The following PDE4D variants were observed in gnomAD, a reference collection of about 807,000 sequenced individuals.
The protein encoded by PDE4D is phosphodiesterase 4D, also known as 3',5'-cyclic-AMP phosphodiesterase 4D.
In PDE4D, 24 loss-of-function variants were observed where a neutral mutation model predicts 87.4. That is an observed-to-expected ratio of 0.27 (90% CI 0.20 to 0.39). The LOEUF (loss-of-function observed/expected upper bound fraction) is 0.39. Ranked by LOEUF, PDE4D falls within the 10% of genes least tolerant of loss-of-function variation. The probability of loss-of-function intolerance (pLI) is 1.00; values close to 1 mark genes in which losing one functional copy is unlikely to be tolerated. For missense variants in PDE4D, 714 were observed against 1,041.0 expected (o/e 0.69, Z 4.32); for synonymous variants, 384 against 383.2 (o/e 1.00, Z -0.02).
At position 59,156,320 on chromosome 5, in the gene PDE4D, A is replaced by AAAAAAATATAT. The variant is rs548335725; in HGVS notation, c.808+24274_808+24275insATATATTTTTT. 1.2e-3 allele frequency among the ~76,000 whole-genome samples: 101 copies of AAAAAAATATAT among 81,762 alleles called. 1 individual carries two copies. Among genetic ancestry groups the AAAAAAATATAT allele is most frequent in the African/African-American group, 5.0e-3 (99 of 19,640 alleles). The allele number at this position is 81,762 out of a possible 152,430, so 53.6% of individuals were successfully genotyped here. On this transcript the variant is annotated intron_variant, in intron 5 of 14. Coordinates refer to ENST00000340635, the MANE Select transcript of PDE4D (RefSeq NM_001104631.2). Reference sequence around the variant, plus strand: ...CTAGAGACTTGCCAGAAAAAAAAAAAATATATATATATGTGTGTGTGTGTG... The same window carrying AAAAAAATATAT: ...CTAGAGACTTGCCAGAAAAAAAAAAAAAAAAATATATATATATATATATGTGTGTGTGTGTG...
intron 3 of PDE4D, among the ~76,000 whole-genome samples, chr5:59,902,783 A>G: frequency 6.6e-6 from 1 of 152,154 alleles, no homozygotes; most frequent in East Asian, 1.9e-4. Flanking sequence ...ATTTCAGAAG[A>G]GAGAGCTGCA....
chr5:60,411,644 CA>C (rs1285806345), intron 1 of PDE4D, among the ~76,000 whole-genome samples: 1 of 152,138 alleles, frequency 6.6e-6, no homozygotes, highest in Non-Finnish European at 1.5e-5. Context: ...AAGTCCAATT[CA>C]AACCATTTAG....
intron 1 of PDE4D, among the ~76,000 whole-genome samples, chr5:59,357,687 A>G (rs1285211215): frequency 6.6e-6 from 1 of 152,234 alleles, no homozygotes; most frequent in Non-Finnish European, 1.5e-5. Flanking sequence ...TTCAAATTAA[A>G]TAAATGATGA....
upstream of PDE4D, among the ~76,000 whole-genome samples, chr5:59,896,911 A>G (rs1363902666): frequency 2.0e-5 from 3 of 152,216 alleles, no homozygotes; most frequent in African/African-American, 7.2e-5. Flanking sequence ...TTAAAACAAC[A>G]AAAATGTAAA....
intron 1 of PDE4D, among the ~76,000 whole-genome samples, chr5:60,349,490 G>A (rs1020754698): frequency 1.3e-5 from 2 of 152,018 alleles, no homozygotes; most frequent in African/African-American, 2.4e-5. Flanking sequence ...TTTAAAGATC[G>A]AATCATGCCA....
At chr5:59,635,691 C>G (rs1239871785) in intron 1 of PDE4D, among the ~76,000 whole-genome samples, 1 of 152,174 alleles carries the variant, frequency 6.6e-6, no homozygotes, top group Non-Finnish European at 1.5e-5. Context: ...ATTCAACACT[C>G]CTTCATGCTA....
At chr5:59,263,342 T>C (rs1353070657) in intron 1 of PDE4D, among the ~76,000 whole-genome samples, 3 of 151,786 alleles carry the variant, frequency 2.0e-5, no homozygotes, top group African/African-American at 7.3e-5. Flanking sequence ...AAGACAATAA[T>C]TGTAATCCTT....
chr5:60,416,801 T>C lies in PDE4D; in HGVS notation c.-90+71141A>G, dbSNP rs1270148578. Among the ~76,000 whole-genome samples, 4 of 152,344 alleles carry C rather than the reference T, an allele frequency of 2.6e-5. No individual in the cohort carries two copies. In the East Asian group the frequency reaches 7.7e-4, roughly 29 times the overall value. On this transcript the variant is annotated intron_variant, in intron 1 of 16. Transcript: ENST00000502484. ...GGGCTTTAGAGGATAATGAACTAGG[T>C]AAAAACAGCTTGGGAATCTGAATAA...
chr5:59,980,374 C>T (rs534343239), intron 3 of PDE4D, among the ~76,000 whole-genome samples: 26 of 152,280 alleles, frequency 1.7e-4, no homozygotes, highest in African/African-American at 4.6e-4. Context: ...GCACTTTTCA[C>T]GGTAAAATAA....
chr5:59,609,399 C>CACACACACACACACACACAT (rs1291122998), intron 1 of PDE4D, among the ~76,000 whole-genome samples: 1 of 151,130 alleles, frequency 6.6e-6, no homozygotes, highest in Non-Finnish European at 1.5e-5. Context: ...CACACACACA[C>CACACACACACACACACACAT]ATATATATAT....
intron 1 of PDE4D, among the ~76,000 whole-genome samples, chr5:59,392,524 T>TATATATATATATATATATATATATA (rs1562093627): frequency 4.0e-5 from 6 of 149,414 alleles, no homozygotes; most frequent in African/African-American, 1.5e-4. Flanking sequence ...TATATATATA[T>TATATATATATATATATATATATATA]TCCATTAATT....
At chr5:59,200,771 T>A (rs1480077224) in intron 2 of PDE4D, among the ~76,000 whole-genome samples, 2 of 151,594 alleles carry the variant, frequency 1.3e-5, no homozygotes, top group Non-Finnish European at 2.9e-5. Context: ...CATGCATACA[T>A]ATACATACTT....
chr5:60,518,285 G>A (rs1042944014), intron 1 of PDE4D, among the ~76,000 whole-genome samples: 10 of 152,222 alleles, frequency 6.6e-5, no homozygotes, highest in Admixed American at 6.5e-4. Context: ...TGCCCAGGCT[G>A]AGTGGGCAGA....
rs1760687938 is a variant in PDE4D, at chr5:59,254,948, A to C, written c.456-38980T>G. 3.3e-5 allele frequency among the ~76,000 whole-genome samples: 5 copies of C among 152,168 alleles called. 1 individual carries two copies. On this transcript the variant is annotated intron_variant, in intron 1 of 14. Transcript: ENST00000340635. ...TGACTACATCAATAATGATGCAGCC[A>C]TTCAAGAGAATAACTTTCTGCTGTA...
chr5:59,434,465 TG>T (rs1158136020), intron 1 of PDE4D, among the ~76,000 whole-genome samples: 1 of 152,034 alleles, frequency 6.6e-6, no homozygotes, highest in African/African-American at 2.4e-5. Context: ...CCACAAAAAT[TG>T]GGGTTTGCAT....
rs754869518 is a variant in PDE4D at position 59,754,797 on chromosome 5, A to ATTTTTTTTTTTTTTT, written c.455+138356_455+138370dup. On this transcript the variant is annotated intron_variant, in intron 1 of 14. Transcript: ENST00000340635. ...GCAGGTACAGAATTTTCCACAGAAC[A>ATTTTTTTTTTTTTTT]TTTTTTTTTTTTTTTTTTTTTTTTT... Among the ~76,000 whole-genome samples, 23 of 96,870 alleles carry ATTTTTTTTTTTTTTT rather than the reference A, an allele frequency of 2.4e-4. 8 individuals are homozygous for ATTTTTTTTTTTTTTT. Among genetic ancestry groups the ATTTTTTTTTTTTTTT allele is most frequent in the Non-Finnish European group, 2.0e-4 (10 of 49,874 alleles). 63.6% of individuals were successfully genotyped at this position (96,870 alleles called of 152,430 possible).
intron 2 of PDE4D, among the ~76,000 whole-genome samples, chr5:59,997,988 C>G (rs1582106907): frequency 6.6e-6 from 1 of 152,292 alleles, no homozygotes; most frequent in Admixed American, 6.5e-5. Flanking sequence ...TCCATGGGAG[C>G]TTTCCACAGG....
At chr5:59,262,088 T>C (rs1762096930) in intron 1 of PDE4D, among the ~76,000 whole-genome samples, 1 of 151,878 alleles carries the variant, frequency 6.6e-6, no homozygotes, top group African/African-American at 2.4e-5. Context: ...TAAAAACTAT[T>C]CCAAGGATAT....
chr5:60,373,249 C>T (rs945359508), intron 1 of PDE4D, among the ~76,000 whole-genome samples: 3 of 152,138 alleles, frequency 2.0e-5, no homozygotes, highest in Non-Finnish European at 2.9e-5. Flanking sequence ...TTTCAAAATG[C>T]GGGCATCTTT....
Sources: allele counts gnomAD v4.1 joint callset (sites outside exome capture counted in the v4.1 genomes callset), GRCh38; gene constraint gnomAD v4.1.1; transcripts MANE v1.5; gene names NCBI Gene and HGNC (gene_info 2026-07-23, HGNC 2026-07-21).